The following PTPRZ1 variants were observed in gnomAD, a reference collection of about 807,000 sequenced individuals.
The protein encoded by PTPRZ1 is receptor-type tyrosine-protein phosphatase zeta.
A neutral mutation model predicts 214.1 loss-of-function variants in PTPRZ1; 82 were observed. That is an observed-to-expected ratio of 0.38 (90% CI 0.32 to 0.46). The LOEUF is 0.46. Among genes scored for constraint, PTPRZ1 ranks in the 20% least tolerant of loss-of-function variants. PTPRZ1 has a pLI of 1.00. For missense variants in PTPRZ1, 2,603 were observed against 2,748.7 expected (o/e 0.95, Z 1.19); for synonymous variants, 945 against 987.9 (o/e 0.96, Z 0.81).
At chr7:122,051,281 G>T in intron 23 of PTPRZ1, 147 bp from the exon 24 acceptor site, 1 of 465,810 alleles carries the variant, frequency 2.1e-6, no homozygotes, top group East Asian at 3.6e-5. Context: ...TAAATTCAAG[G>T]AATTGTTGGA....
intron 1 of PTPRZ1, among the ~76,000 whole-genome samples, 194 bp from the exon 2 acceptor site, chr7:121,927,962 T>C (rs1026194263): frequency 1.3e-5 from 2 of 152,150 alleles, no homozygotes; most frequent in Admixed American, 6.6e-5. Context: ...CCTCTAAAAT[T>C]TGCACTAGCT....
At chr7:122,027,849 C>G (rs1274169749) in intron 13 of PTPRZ1, among the ~76,000 whole-genome samples, 1 of 152,094 alleles carries the variant, frequency 6.6e-6, no homozygotes, top group Non-Finnish European at 1.5e-5. Context: ...TCTCGAAACC[C>G]TCATCAACAA....
intron 2 of PTPRZ1, among the ~76,000 whole-genome samples, chr7:121,933,815 A>G (rs752818965): frequency 1.3e-5 from 2 of 152,236 alleles, no homozygotes; most frequent in Non-Finnish European, 2.9e-5. Flanking sequence ...ATTTGAATCC[A>G]TGTAGAATAA....
At chr7:121,887,458 T>A (rs1199438800) in intron 1 of PTPRZ1, among the ~76,000 whole-genome samples, 3 of 152,104 alleles carry the variant, frequency 2.0e-5, no homozygotes, top group African/African-American at 7.2e-5. Context: ...TCTCTCTTAA[T>A]TTTTTTATTT....
intron 2 of PTPRZ1, among the ~76,000 whole-genome samples, chr7:121,955,725 A>G (rs1304222053): frequency 6.6e-6 from 1 of 152,238 alleles, no homozygotes; most frequent in African/African-American, 2.4e-5. Flanking sequence ...TATAAAGGTC[A>G]TAACATTAGT....
intron 2 of PTPRZ1, among the ~76,000 whole-genome samples, chr7:121,953,278 G>A (rs1033012999): frequency 3.3e-5 from 5 of 152,128 alleles, no homozygotes; most frequent in African/African-American, 1.2e-4. Flanking sequence ...TGCTTGTGAA[G>A]AAATACATTT....
rs762518569 is a variant in PTPRZ1, at chr7:121,983,806, G to A, written c.761G>A (p.Ser254Asn). ...VDWIVFKDTVSISESQLAVFC... is the reference protein window; with the variant it reads ...VDWIVFKDTVNISESQLAVFC... The stretch of plus-strand genomic sequence containing the variant: ...TGGATTGTTTTTAAAGATACAGTTA[G>A]CATCTCTGAAAGCCAGGTAATCTTA... The change falls in exon 7 of 30, where the codon AGC becomes AAC. Residue 254 changes from serine (S) to asparagine (N), a missense_variant. Ser to Asn is a conservative substitution (Grantham distance 46, BLOSUM62 1). Transcript: ENST00000393386. 2 of 1,611,642 alleles carry A rather than the reference G, an allele frequency of 1.2e-6. No individual in the cohort carries two copies. Among genetic ancestry groups the A allele is most frequent in the Admixed American group, 1.7e-5 (1 of 59,444 alleles).
chr7:121,874,229 G>A (rs559879258), intron 1 of PTPRZ1, among the ~76,000 whole-genome samples: 2 of 152,178 alleles, frequency 1.3e-5, no homozygotes, highest in African/African-American at 4.8e-5. Context: ...GAGAGCTGCA[G>A]GTTGATATAC....
In PTPRZ1 at chr7:121,983,971, C is replaced by G; in HGVS notation, c.782C>G (p.Ala261Gly). The G allele has an allele frequency of 6.2e-7, 1 of 1,610,448 alleles. No individual in the cohort carries two copies. Among genetic ancestry groups the G allele is most frequent in the Non-Finnish European group, 8.5e-7 (1 of 1,178,498 alleles). Residue 261 changes from alanine (A) to glycine (G), a missense_variant, in exon 8 of 30, where the codon GCT (alanine) becomes GGT (glycine). Transcript: ENST00000393386. ...ATTATTTGATCTTTTTTTCAGTTGG[C>G]TGTTTTTTGTGAAGTTCTTACAATG... is the stretch of plus-strand genomic sequence containing the variant. ...DTVSISESQL[A>G]VFCEVLTMQQ...
intron 1 of PTPRZ1, among the ~76,000 whole-genome samples, chr7:121,902,153 C>A (rs1794979084): frequency 1.3e-5 from 2 of 152,140 alleles, no homozygotes; most frequent in South Asian, 4.1e-4. Context: ...ATAATATCCT[C>A]TAGGTTTATC....
chr7:122,048,590 GA>G (rs2150486230), intron 23 of PTPRZ1, among the ~76,000 whole-genome samples: 1 of 152,176 alleles, frequency 6.6e-6, no homozygotes, highest in Non-Finnish European at 1.5e-5. Flanking sequence ...GCCTGCATCA[GA>G]TAGCTCATGT....
chr7:121,939,741 G>A (rs1027883682), intron 2 of PTPRZ1, among the ~76,000 whole-genome samples: 22 of 152,134 alleles, frequency 1.4e-4, no homozygotes, highest in African/African-American at 5.1e-4. Flanking sequence ...GCCAGACACT[G>A]TACTAGGCAT....
chr7:122,029,103 T>A (rs963233696), intron 14 of PTPRZ1, among the ~76,000 whole-genome samples: 1 of 151,850 alleles, frequency 6.6e-6, no homozygotes, highest in African/African-American at 2.4e-5. Flanking sequence ...AGGGTTTTTT[T>A]TTTTTAACCT....
At chr7:121,973,209 A>C (rs1474795012) in intron 4 of PTPRZ1, among the ~76,000 whole-genome samples, 2 of 152,116 alleles carry the variant, frequency 1.3e-5, no homozygotes, top group Non-Finnish European at 2.9e-5. Context: ...CTAAAAATTT[A>C]AAAATTGCAA....
Position 122,058,938 on chromosome 7 carries a change from G to A in PTPRZ1, c.6667G>A (p.Asp2223Asn). 3 of 1,584,250 alleles carry A rather than the reference G, an allele frequency of 1.9e-6. No homozygotes were observed. Among genetic ancestry groups the A allele is most frequent in the Non-Finnish European group, 2.6e-6 (3 of 1,154,474 alleles). ...TAGGGATGGGCCTATGATTGTTCAT[G>A]ATGAGTAAGTTCCATGTGTTAGATG... ...ANRDGPMIVH[D>N]EHGGVTAGTF... Residue 2223 changes from aspartate to asparagine, a missense_variant, in exon 28 of 30, where the codon GAT (aspartate) becomes AAT (asparagine). Asp to Asn is a conservative substitution (Grantham distance 23). Transcript: ENST00000393386.
In PTPRZ1 at chr7:122,036,665, A is replaced by G. The variant is rs1251780623; in HGVS notation, c.5350A>G (p.Asn1784Asp). The G allele has an allele frequency of 6.2e-7, 1 of 1,603,312 alleles. No individual in the cohort carries two copies. Among genetic ancestry groups the G allele is most frequent in the South Asian group, 1.1e-5 (1 of 90,776 alleles). ...EKDGKLTDYI[N>D]ANYVDGYNRP... ...GGATGGCAAACTGACTGATTATATC[A>G]ATGCCAATTATGTTGATGTAAGCAT... The change falls in exon 18 of 30, where the codon AAT becomes GAT. Residue 1784 changes from asparagine to aspartate, a missense_variant. Coordinates refer to ENST00000393386, the MANE Select transcript of PTPRZ1 (RefSeq NM_002851.3).
chr7:122,035,257 C>T (rs1799501488), intron 17 of PTPRZ1, among the ~76,000 whole-genome samples: 1 of 152,122 alleles, frequency 6.6e-6, no homozygotes, highest in African/African-American at 2.4e-5. Context: ...ATCATGATCT[C>T]TTATATAGTT....
At position 122,051,439 on chromosome 7, in the gene PTPRZ1, G is replaced by A. The variant is rs140519629; in HGVS notation, c.6096G>A (p.Gln2032=). 9 of 1,612,556 alleles carry A rather than the reference G, an allele frequency of 5.6e-6. No homozygotes were observed. Among genetic ancestry groups the A allele is most frequent in the African/African-American group, 1.3e-5 (1 of 74,912 alleles). ...KLEKQFQLLS[Q]SNIQQSDYSA... Reference sequence around the variant, plus strand: ...ACTTTCTTGCCCAGCTCCTGAGCCAGTCAAATATACAGCAGAGTGACTATT... The same window carrying A: ...ACTTTCTTGCCCAGCTCCTGAGCCAATCAAATATACAGCAGAGTGACTATT... The change falls in exon 24 of 30, where the codon CAG becomes CAA. Residue 2032 remains glutamine, a synonymous_variant. Transcript: ENST00000393386.
intron 1 of PTPRZ1, among the ~76,000 whole-genome samples, chr7:121,916,754 A>G (rs1182208490): frequency 6.6e-6 from 1 of 152,230 alleles, no homozygotes; most frequent in African/African-American, 2.4e-5. Flanking sequence ...GCAGTGGCCC[A>G]GTAAGACCCA....
Sources: allele counts gnomAD v4.1 joint callset (sites outside exome capture counted in the v4.1 genomes callset), GRCh38; gene constraint gnomAD v4.1.1; transcripts MANE v1.5; gene names NCBI Gene and HGNC (gene_info 2026-07-23, HGNC 2026-07-21).